Variants in SPATA13 observed in about 807,000 individuals in gnomAD.
SPATA13 encodes the protein spermatogenesis-associated protein 13.
SPATA13 carries 50 observed loss-of-function variants against 104.0 expected under a neutral mutation model. The observed-to-expected ratio is 0.48, with a 90% confidence interval of 0.38 to 0.61. The LOEUF (loss-of-function observed/expected upper bound fraction) is 0.61. Ranked by LOEUF, SPATA13 falls within the 20% of genes least tolerant of loss-of-function variation. The probability of loss-of-function intolerance (pLI) is 0.00; values close to 1 mark genes in which losing one functional copy is unlikely to be tolerated. For missense variants in SPATA13, 1,524 were observed against 1,690.6 expected, an observed-to-expected ratio of 0.90 and a Z score of 1.73; for synonymous variants, 606 against 667.5, an observed-to-expected ratio of 0.91 and a Z score of 1.42.
intron 3 of SPATA13, among the ~76,000 whole-genome samples, chr13:24,101,300 A>G (rs1880250699): frequency 1.3e-5 from 2 of 152,330 alleles, no homozygotes; most frequent in South Asian, 4.1e-4. Context: ...CACCATGAAC[A>G]TTCGCTATGT....
At chr13:24,010,653 C>T (rs1876432487) in intron 2 of SPATA13, among the ~76,000 whole-genome samples, 1 of 151,974 alleles carries the variant, frequency 6.6e-6, no homozygotes, top group Non-Finnish European at 1.5e-5. Flanking sequence ...ATCTGCTTCT[C>T]CTCCCAGCAG....
chr13:24,285,603 G>A (rs1031361665), intron 5 of SPATA13, among the ~76,000 whole-genome samples: 3 of 143,588 alleles, frequency 2.1e-5, no homozygotes, highest in South Asian at 5.0e-4. Flanking sequence ...CTGCACCTCC[G>A]CCTTCCAGGT....
intron 7 of SPATA13, among the ~76,000 whole-genome samples, chr13:24,288,797 A>G (rs193086563): frequency 6.6e-5 from 10 of 152,342 alleles, no homozygotes; most frequent in African/African-American, 2.2e-4. Flanking sequence ...ATCCAACCGC[A>G]TGAGCCTTTT....
intron 3 of SPATA13, among the ~76,000 whole-genome samples, chr13:24,113,868 CA>C (rs958434459): frequency 0.022 from 1,245 of 56,158 alleles, 7 homozygotes; most frequent in East Asian, 0.039. Flanking sequence ...GACTCGATCT[CA>C]AAAAAAAAAA....
chr13:24,174,704 G>A (rs567213854), intron 1 of SPATA13, among the ~76,000 whole-genome samples: 1 of 152,110 alleles, frequency 6.6e-6, no homozygotes, highest in African/African-American at 2.4e-5. Flanking sequence ...AGTCTCCCAA[G>A]TAGCTGGGAC....
intron 10 of SPATA13, 82 bp downstream of exon 10, chr13:24,294,950 C>G: frequency 1.4e-6 from 2 of 1,422,368 alleles, no homozygotes; most frequent in Non-Finnish European, 1.9e-6. Context: ...CTTTAATATC[C>G]TGTGGTCAAT....
At chr13:24,213,441 A>G (rs1871131834) in intron 1 of SPATA13, among the ~76,000 whole-genome samples, 1 of 150,784 alleles carries the variant, frequency 6.6e-6, no homozygotes, top group Admixed American at 6.6e-5. Context: ...TAATTTTTAT[A>G]TTTTTAGTAG....
chr13:24,250,301 T>C (rs1397334551), intron 3 of SPATA13, among the ~76,000 whole-genome samples: 1 of 152,204 alleles, frequency 6.6e-6, no homozygotes, highest in East Asian at 1.9e-4. Flanking sequence ...TTTTCTTATT[T>C]TTTTTTTGAG....
At position 24,242,064 on chromosome 13, in the gene SPATA13, AAAAAG is replaced by A. The variant is rs1323732760; in HGVS notation, c.1654-7404_1654-7400del. 5.9e-5 allele frequency among the ~76,000 whole-genome samples: 9 copies of A among 152,252 alleles called. No homozygotes were observed. In the East Asian group the frequency reaches 1.7e-3, roughly 29 times the overall value. ...GAGACTGTCTCAAAAAAAAAAATGA[AAAAAG>A]AAAAGAAAGATTATTCCACCTAATT... On this transcript the variant is annotated intron_variant, in intron 2 of 12. Transcript: ENST00000382108.
intron 3 of SPATA13, among the ~76,000 whole-genome samples, chr13:24,120,607 AG>A (rs1262942911): frequency 3.2e-4 from 49 of 152,296 alleles, no homozygotes; most frequent in African/African-American, 1.2e-3. Context: ...TCATGTGAAA[AG>A]GGGGGACAGT....
intron 3 of SPATA13, among the ~76,000 whole-genome samples, chr13:24,037,687 C>G (rs565190824): frequency 6.6e-6 from 1 of 152,170 alleles, no homozygotes; most frequent in East Asian, 1.9e-4. Context: ...AGATTACAGG[C>G]ATGAGCCACC....
Position 24,272,203 on chromosome 13 carries a change from C to T in SPATA13, c.2165-11932C>T, listed in dbSNP as rs375445523. ...GGTGGGGGGCAGGTGGCCCCTGGCT[C>T]TCCTCCAGCATTCCTCCACCGCCTT... On this transcript the variant is annotated intron_variant, in intron 4 of 12. Transcript: ENST00000382108. Among the ~76,000 whole-genome samples the T allele has an allele frequency of 5.1e-4, 77 of 152,112 alleles. 1 individual carries two copies. Among genetic ancestry groups the T allele is most frequent in the African/African-American group, 1.7e-3 (71 of 41,474 alleles).
At chr13:24,245,584 C>CTTTGTTTTTTTTTT (rs1873080053) in intron 2 of SPATA13, among the ~76,000 whole-genome samples, 1 of 88,630 alleles carries the variant, frequency 1.1e-5, no homozygotes, top group Non-Finnish European at 2.0e-5. Context: ...ACAGTTGTTT[C>CTTTGTTTTTTTTTT]TTTTTTTTTT....
At chr13:24,026,135 A>C (rs974121180) in intron 3 of SPATA13, among the ~76,000 whole-genome samples, 1 of 152,190 alleles carries the variant, frequency 6.6e-6, no homozygotes, top group Non-Finnish European at 1.5e-5. Flanking sequence ...CATTGGTTGC[A>C]AATATATTCC....
chr13:24,158,419 T>C (rs1166825375), upstream of SPATA13, among the ~76,000 whole-genome samples: 1 of 152,168 alleles, frequency 6.6e-6, no homozygotes, highest in African/African-American at 2.4e-5. Context: ...GAAGGAAATT[T>C]AGCTATTGCT....
At chr13:24,237,286 C>T (rs1011074780) in intron 2 of SPATA13, among the ~76,000 whole-genome samples, 4 of 152,086 alleles carry the variant, frequency 2.6e-5, no homozygotes, top group Non-Finnish European at 5.9e-5. Context: ...TCTCTTGAAC[C>T]CAGGGGGTGG....
intron 3 of SPATA13, among the ~76,000 whole-genome samples, chr13:24,118,015 A>G (rs1218821507): frequency 5.3e-5 from 8 of 152,226 alleles, no homozygotes; most frequent in Admixed American, 5.2e-4. Flanking sequence ...AGAAGTGTGT[A>G]CTATGTTTTT....
chr13:24,060,527 A>G (rs1593305303), intron 3 of SPATA13, among the ~76,000 whole-genome samples: 1 of 152,366 alleles, frequency 6.6e-6, no homozygotes, highest in East Asian at 1.9e-4. Flanking sequence ...GCATAGGGAA[A>G]GATTTCATGA....
intron 3 of SPATA13, among the ~76,000 whole-genome samples, chr13:24,024,580 A>G (rs969087603): frequency 6.6e-5 from 10 of 152,016 alleles, no homozygotes; most frequent in African/African-American, 2.4e-4. Flanking sequence ...ACGGTTCTAC[A>G]GAGCAGCTGG....
Sources: gnomAD v4.1 joint callset for allele counts (sites outside exome capture counted in the v4.1 genomes callset) on GRCh38, gnomAD v4.1.1 for gene constraint, MANE v1.5 for transcripts, NCBI Gene and HGNC (gene_info 2026-07-23, HGNC 2026-07-21) for gene names.